The following PKIG variants were observed in gnomAD, a reference collection of about 807,000 sequenced individuals.
PKIG encodes protein kinase (cAMP-dependent, catalytic) inhibitor gamma.
In PKIG, 1 loss-of-function variant was observed where a neutral mutation model predicts 6.8. The observed-to-expected ratio is 0.15, with a 90% CI of 0.05 to 0.69. PKIG has a LOEUF of 0.69. Among genes scored for constraint, PKIG ranks in the 30% least tolerant of loss-of-function variants. The pLI is 0.82. For synonymous variants in PKIG, 39 were observed against 43.0 expected (o/e 0.91, Z 0.36); for missense variants, 77 against 104.0 (o/e 0.74, Z 1.13).
intron 1 of PKIG, among the ~76,000 whole-genome samples, chr20:44,584,663 C>G (rs2064975203): frequency 6.6e-6 from 1 of 150,552 alleles, no homozygotes; most frequent in Admixed American, 6.6e-5. Context: ...TATTTAGAAA[C>G]TATTTGTTTG....
At chr20:44,553,463 G>A (rs982659236) in intron 1 of PKIG, among the ~76,000 whole-genome samples, 2 of 152,136 alleles carry the variant, frequency 1.3e-5, no homozygotes, top group African/African-American at 4.8e-5. Context: ...AACCCAAGCA[G>A]TATTAGAGTC....
intron 1 of PKIG, among the ~76,000 whole-genome samples, chr20:44,558,080 T>G (rs924250830): frequency 2.6e-5 from 4 of 152,166 alleles, no homozygotes; most frequent in African/African-American, 9.7e-5. Flanking sequence ...AAAAGGACAA[T>G]GAATATGTAC....
At chr20:44,600,487 G>A (rs755876401) in intron 2 of PKIG, among the ~76,000 whole-genome samples, 2 of 152,046 alleles carry the variant, frequency 1.3e-5, no homozygotes, top group Non-Finnish European at 2.9e-5. Flanking sequence ...GAGACATTCC[G>A]GAGCCTGGGT....
At chr20:44,553,286 G>A (rs2064684884) in intron 1 of PKIG, among the ~76,000 whole-genome samples, 1 of 152,122 alleles carries the variant, frequency 6.6e-6, no homozygotes, top group Admixed American at 6.6e-5. Context: ...TATGACCAAC[G>A]CCATGTAGTG....
rs73113328 is a variant in PKIG, at chr20:44,550,740, T to G, written c.-241+18762T>G. 8.0e-3 allele frequency among the ~76,000 whole-genome samples: 1,217 copies of G among 152,272 alleles called. 3 individuals carry two copies. The highest frequency in any genetic ancestry group is 0.013 in the Non-Finnish European group (897 of 68,012). On this transcript the variant is annotated intron_variant, in intron 1 of 4. Coordinates refer to the PKIG transcript ENST00000372887. ...ACTATTATTATCCTTATGTTACAGA[T>G]GGAGAAACTGAGGCAGAGAGCGGGA... is the stretch of plus-strand genomic sequence containing the variant.
intron 2 of PKIG, among the ~76,000 whole-genome samples, chr20:44,607,938 C>A (rs2065181645): frequency 6.6e-6 from 1 of 152,104 alleles, no homozygotes; most frequent in South Asian, 2.1e-4. Flanking sequence ...CACCCACCCC[C>A]CGCCGCCTCG....
At chr20:44,610,892 G>A (rs760878774) in intron 2 of PKIG, among the ~76,000 whole-genome samples, 8 of 151,728 alleles carry the variant, frequency 5.3e-5, no homozygotes, top group Non-Finnish European at 1.2e-4. Context: ...TTACTGACAT[G>A]TCATTGTATA....
chr20:44,549,775 T>C (rs1453587218), intron 1 of PKIG, among the ~76,000 whole-genome samples: 1 of 152,158 alleles, frequency 6.6e-6, no homozygotes, highest in Non-Finnish European at 1.5e-5. Flanking sequence ...CAGTGAGCTG[T>C]GTTTGCCCCA....
chr20:44,541,427 T>A (rs1055307243), intron 1 of PKIG, among the ~76,000 whole-genome samples: 1 of 152,126 alleles, frequency 6.6e-6, no homozygotes, highest in African/African-American at 2.4e-5. Context: ...TAGCTGGGAC[T>A]ACAGGTGTGT....
At chr20:44,580,554 C>T, upstream of PKIG, among the ~76,000 whole-genome samples, 1 of 151,880 alleles carries the variant, frequency 6.6e-6, no homozygotes, top group African/African-American at 2.4e-5. Context: ...CACCGTGTTG[C>T]CCAAGCTGGT....
At chr20:44,597,468 C>T (rs1320441009) in intron 2 of PKIG, among the ~76,000 whole-genome samples, 1 of 152,140 alleles carries the variant, frequency 6.6e-6, no homozygotes, top group Non-Finnish European at 1.5e-5. Flanking sequence ...CTAGTATACA[C>T]TGAGGGATCA....
chr20:44,556,230 A>C (rs1028678855), intron 1 of PKIG, among the ~76,000 whole-genome samples: 5 of 152,190 alleles, frequency 3.3e-5, no homozygotes, highest in Admixed American at 6.5e-5. Context: ...TTCTGTTCTC[A>C]TTTAGCTGAA....
intron 2 of PKIG, chr20:44,598,969 G>A (rs1212327689): frequency 2.0e-5 from 3 of 152,226 alleles, no homozygotes; most frequent in African/African-American, 7.2e-5. Flanking sequence ...AGAGTAGAAT[G>A]TGGTGGTAGA....
intron 2 of PKIG, among the ~76,000 whole-genome samples, chr20:44,609,457 C>T (rs2123459470): frequency 6.6e-6 from 1 of 152,318 alleles, no homozygotes; most frequent in African/African-American, 2.4e-5. Context: ...TCTCAACAGC[C>T]CCAAGAAGGA....
intron 1 of PKIG, chr20:44,564,234 T>C (rs532348008): frequency 6.6e-5 from 10 of 152,238 alleles, no homozygotes; most frequent in Non-Finnish European, 1.5e-4. Flanking sequence ...TCTGGTAAAG[T>C]ATCTTGATCA....
At chr20:44,586,124 C>G (rs2064988579) in intron 1 of PKIG, among the ~76,000 whole-genome samples, 1 of 152,180 alleles carries the variant, frequency 6.6e-6, no homozygotes, top group Non-Finnish European at 1.5e-5. Context: ...CTGGGAGATC[C>G]TGGACTGATC....
intron 1 of PKIG, among the ~76,000 whole-genome samples, chr20:44,557,520 C>CA (rs3091847): frequency 0.21 from 13,376 of 63,492 alleles, 1,205 homozygotes; most frequent in African/African-American, 0.24. Flanking sequence ...TGACAGGTGA[C>CA]AAAAAAAAAA....
intron 1 of PKIG, among the ~76,000 whole-genome samples, chr20:44,550,230 G>C (rs1361235165): frequency 6.6e-6 from 1 of 150,454 alleles, no homozygotes; most frequent in African/African-American, 2.5e-5. Flanking sequence ...AAAATTCATG[G>C]AAAAAATTGA....
chr20:44,535,491 A>T (rs1426051498), intron 1 of PKIG, among the ~76,000 whole-genome samples: 2 of 152,164 alleles, frequency 1.3e-5, no homozygotes, highest in African/African-American at 4.8e-5. Context: ...AAATACAAAA[A>T]TTAGCTGGGT....
Sources: gnomAD v4.1 joint callset for allele counts (sites outside exome capture counted in the v4.1 genomes callset) on GRCh38, gnomAD v4.1.1 for gene constraint, MANE v1.5 for transcripts, NCBI Gene and HGNC (gene_info 2026-07-23, HGNC 2026-07-21) for gene names.